DISC1: variants seen among roughly 807,000 people sequenced by gnomAD.
The protein encoded by DISC1 is DISC1 scaffold protein.
A neutral mutation model predicts 84.5 loss-of-function variants in DISC1; 57 were observed. The observed-to-expected ratio is 0.67, with a 90% CI of 0.55 to 0.84. The LOEUF is 0.84. Ranked by LOEUF, DISC1 falls within the 40% of genes least tolerant of loss-of-function variation. DISC1 has a pLI of 0.00. For missense variants in DISC1, 1,000 were observed against 1,057.8 expected (o/e 0.95, Z 0.76); for synonymous variants, 411 against 415.2 (o/e 0.99, Z 0.12).
chr1:231,794,784 C>G (rs1188116993), intron 6 of DISC1, among the ~76,000 whole-genome samples: 1 of 152,144 alleles, frequency 6.6e-6, no homozygotes, highest in Non-Finnish European at 1.5e-5. Flanking sequence ...ATGTGTCTCT[C>G]CTTTATGCTC....
intron 11 of DISC1, among the ~76,000 whole-genome samples, chr1:232,018,935 T>C (rs555741137): frequency 5.9e-5 from 9 of 152,356 alleles, no homozygotes; most frequent in African/African-American, 1.7e-4. Context: ...TTGTTGGTTT[T>C]CCTTCCTGGC....
intron 11 of DISC1, among the ~76,000 whole-genome samples, chr1:232,017,068 T>C (rs1285541950): frequency 6.6e-6 from 1 of 152,212 alleles, no homozygotes; most frequent in African/African-American, 2.4e-5. Context: ...TGGGCAGGCA[T>C]TTGTTTGAAG....
intron 10 of DISC1, among the ~76,000 whole-genome samples, chr1:231,972,778 C>T (rs945145977): frequency 2.0e-5 from 3 of 152,156 alleles, no homozygotes; most frequent in African/African-American, 7.2e-5. Context: ...GTTGCTATGC[C>T]AGTCTATGAT....
intron 10 of DISC1, among the ~76,000 whole-genome samples, chr1:231,979,077 A>G (rs1049503916): frequency 7.9e-5 from 12 of 151,912 alleles, no homozygotes; most frequent in Non-Finnish European, 2.9e-5. Flanking sequence ...CCTGAACCCT[A>G]TTGTAACTGC....
chr1:231,691,835 C>CCGA (rs2065054176), intron 1 of DISC1, among the ~76,000 whole-genome samples: 1 of 152,236 alleles, frequency 6.6e-6, no homozygotes, highest in Non-Finnish European at 1.5e-5. Context: ...CCACCCTGTT[C>CCGA]CGACTGCTGC....
At chr1:231,656,071 T>A (rs1248931729) in intron 1 of DISC1, among the ~76,000 whole-genome samples, 1 of 152,194 alleles carries the variant, frequency 6.6e-6, no homozygotes, top group Non-Finnish European at 1.5e-5. Context: ...TGATTATTTC[T>A]TTTGCTGTGT....
At chr1:231,799,463 G>A (rs2079013167) in intron 7 of DISC1, among the ~76,000 whole-genome samples, 1 of 152,066 alleles carries the variant, frequency 6.6e-6, no homozygotes, top group Non-Finnish European at 1.5e-5. Context: ...TGGAAACAAA[G>A]GAATAGAATT....
At chr1:232,005,762 A>G (rs892873041) in intron 10 of DISC1, among the ~76,000 whole-genome samples, 3 of 152,232 alleles carry the variant, frequency 2.0e-5, no homozygotes, top group Admixed American at 6.5e-5. Flanking sequence ...GAATATATAA[A>G]AGAAAATCAA....
At chr1:231,873,127 C>T (rs922836339) in intron 9 of DISC1, among the ~76,000 whole-genome samples, 3 of 152,164 alleles carry the variant, frequency 2.0e-5, no homozygotes, top group Non-Finnish European at 2.9e-5. Context: ...TCACAAGCAC[C>T]GACTCTGCAC....
At chr1:231,745,864 T>G (rs1485854171) in intron 3 of DISC1, among the ~76,000 whole-genome samples, 1 of 152,144 alleles carries the variant, frequency 6.6e-6, no homozygotes, top group Non-Finnish European at 1.5e-5. Context: ...ATGGGGTGGA[T>G]CCCTCGAGAA....
intron 9 of DISC1, among the ~76,000 whole-genome samples, chr1:231,859,605 C>T (rs920201974): frequency 3.3e-5 from 5 of 152,168 alleles, no homozygotes; most frequent in Admixed American, 3.3e-4. Flanking sequence ...TTTGGGAGGG[C>T]ACAAACATCA....
intron 6 of DISC1, among the ~76,000 whole-genome samples, chr1:231,778,846 G>A (rs948962711): frequency 2.6e-5 from 4 of 152,090 alleles, no homozygotes; most frequent in African/African-American, 7.2e-5. Flanking sequence ...ACCACTGAAC[G>A]GATTCCCTCT....
At chr1:232,010,561 T>G (rs777712840) in intron 11 of DISC1, among the ~76,000 whole-genome samples, 6 of 152,124 alleles carry the variant, frequency 3.9e-5, no homozygotes, top group Non-Finnish European at 8.8e-5. Context: ...ATATCTTTCC[T>G]TTACCCATCT....
At chr1:231,708,980 G>A (rs761209460) in intron 3 of DISC1, among the ~76,000 whole-genome samples, 2 of 152,218 alleles carry the variant, frequency 1.3e-5, no homozygotes, top group African/African-American at 4.8e-5. Context: ...GCATAAGCTT[G>A]TATATCTGCT....
chr1:231,778,728 G>T (rs1469479812), intron 6 of DISC1, among the ~76,000 whole-genome samples: 7 of 152,146 alleles, frequency 4.6e-5, no homozygotes, highest in Non-Finnish European at 8.8e-5. Context: ...CCCTTATCTG[G>T]CTGGGTACAG....
chr1:231,801,147 A>G (rs1415529753), intron 8 of DISC1, among the ~76,000 whole-genome samples: 3 of 152,142 alleles, frequency 2.0e-5, no homozygotes, highest in Non-Finnish European at 2.9e-5. Context: ...TGGCAGCTAA[A>G]GAGCAATTTG....
intron 10 of DISC1, among the ~76,000 whole-genome samples, chr1:231,993,106 G>A (rs377675794): frequency 1.3e-5 from 2 of 152,124 alleles, no homozygotes; most frequent in East Asian, 1.9e-4. Flanking sequence ...AGTGACATGA[G>A]CCTTGAGATG....
intron 1 of DISC1, among the ~76,000 whole-genome samples, chr1:231,666,166 C>T (rs372623656): frequency 2.0e-4 from 30 of 151,952 alleles, no homozygotes; most frequent in African/African-American, 6.0e-4. Context: ...GCACCCACAT[C>T]ACATCCACTG....
At chr1:231,888,450 A>G (rs1052397048) in intron 9 of DISC1, among the ~76,000 whole-genome samples, 9 of 151,966 alleles carry the variant, frequency 5.9e-5, no homozygotes, top group African/African-American at 2.2e-4. Context: ...GGCTTAGAAG[A>G]GTGTCCACCC....
Sources: gnomAD v4.1 joint callset for allele counts (sites outside exome capture counted in the v4.1 genomes callset) on GRCh38, gnomAD v4.1.1 for gene constraint, MANE v1.5 for transcripts, NCBI Gene and HGNC (gene_info 2026-07-23, HGNC 2026-07-21) for gene names.